CACNA1A: variants seen among roughly 807,000 people sequenced by gnomAD.
The protein encoded by CACNA1A is calcium voltage-gated channel subunit alpha1 A.
CACNA1A carries 57 observed loss-of-function variants against 262.4 expected under a neutral mutation model. That is an observed-to-expected ratio of 0.22 (90% CI 0.18 to 0.27). The LOEUF (loss-of-function observed/expected upper bound fraction) is 0.27, where lower values mean the gene tolerates loss of function less well. Ranked by LOEUF, CACNA1A falls within the 10% of genes least tolerant of loss-of-function variation. CACNA1A has a pLI of 1.00. For missense variants in CACNA1A, 2,526 were observed against 3,562.8 expected, an observed-to-expected ratio of 0.71 and a Z score of 7.41; for synonymous variants, 1,431 against 1,419.3, an observed-to-expected ratio of 1.01 and a Z score of -0.18.
chr19:13,443,338 A>ATTTTAT (rs137989401), intron 3 of CACNA1A, among the ~76,000 whole-genome samples: 1 of 151,622 alleles, frequency 6.6e-6, no homozygotes, highest in Non-Finnish European at 1.5e-5. Context: ...AGTTGAAATA[A>ATTTTAT]TTTTATTTTT....
At chr19:13,468,116 T>C (rs1006626710) in intron 1 of CACNA1A, among the ~76,000 whole-genome samples, 3 of 150,960 alleles carry the variant, frequency 2.0e-5, no homozygotes, top group Admixed American at 2.0e-4. Context: ...AAAATAAAGA[T>C]CCCTTGATGA....
chr19:13,259,490 G>C lies in CACNA1A; in HGVS notation c.4388+74C>G, dbSNP rs1484139690. On this transcript the variant is annotated intron_variant, in intron 27 of 46. Coordinates refer to ENST00000360228, the MANE Select transcript of CACNA1A (RefSeq NM_001127222.2). Reference sequence around the variant, plus strand: ...CCCGGCCTCCAAGACCTTTCTTATTGCTAAGCTCTCAGGCCCTTTATCCTC... The same window carrying C: ...CCCGGCCTCCAAGACCTTTCTTATTCCTAAGCTCTCAGGCCCTTTATCCTC... The C allele has an allele frequency of 2.1e-6, 3 of 1,451,776 alleles. No individual in the cohort carries two copies. In the African/African-American group the frequency reaches 4.3e-5, roughly 21 times the overall value. The allele number at this position is 1,451,776 out of a possible 1,614,324, so 89.9% of individuals were successfully genotyped here.
At chr19:13,341,706 G>A (rs1412828013) in intron 6 of CACNA1A, among the ~76,000 whole-genome samples, 1 of 152,174 alleles carries the variant, frequency 6.6e-6, no homozygotes, top group South Asian at 2.1e-4. Flanking sequence ...TTCTGAGGGA[G>A]GCCTCCCCTG....
chr19:13,455,004 G>A (rs1568661799), intron 2 of CACNA1A, 103 bp downstream of exon 2: 10 of 638,892 alleles, frequency 1.6e-5, no homozygotes, highest in Non-Finnish European at 2.8e-5. Flanking sequence ...ATCTGGCTCT[G>A]GGCTCCAGGA....
intron 28 of CACNA1A, chr19:13,256,901 C>G (rs1252626447): frequency 6.4e-6 from 1 of 155,706 alleles, no homozygotes; most frequent in Admixed American, 6.3e-5. Context: ...GAAATGTGAG[C>G]AGAAGTGACA....
At chr19:13,245,354 T>C (rs1186308422) in intron 30 of CACNA1A, 89 bp from the exon 31 acceptor site, 11 of 987,114 alleles carry the variant, frequency 1.1e-5, no homozygotes, top group African/African-American at 4.8e-5. Context: ...AGAGGCACAG[T>C]TGCCCATCAG....
At chr19:13,211,955 C>T in intron 43 of CACNA1A, 148 bp downstream of exon 43, 1 of 607,996 alleles carries the variant, frequency 1.6e-6, no homozygotes, top group Non-Finnish European at 2.9e-6. Flanking sequence ...GTGGGTGGGG[C>T]CTGCAGACTG....
At chr19:13,281,929 T>C (rs1012001211) in intron 22 of CACNA1A, among the ~76,000 whole-genome samples, 1 of 152,216 alleles carries the variant, frequency 6.6e-6, no homozygotes. Context: ...CATCCATGCC[T>C]GTGCCCTCCC....
At chr19:13,497,045 C>T (rs1981617911) in intron 1 of CACNA1A, among the ~76,000 whole-genome samples, 1 of 152,088 alleles carries the variant, frequency 6.6e-6, no homozygotes, top group South Asian at 2.1e-4. Context: ...CCACCTAGCT[C>T]CAGAATCCAT....
At chr19:13,403,665 G>C (rs2144705539) in intron 3 of CACNA1A, among the ~76,000 whole-genome samples, 1 of 152,286 alleles carries the variant, frequency 6.6e-6, no homozygotes, top group Admixed American at 6.5e-5. Flanking sequence ...CCTGGGTGCA[G>C]TGGCTCATGC....
At chr19:13,259,402 C>A in intron 27 of CACNA1A, 162 bp downstream of exon 27, 1 of 300,210 alleles carries the variant, frequency 3.3e-6, no homozygotes, top group Non-Finnish European at 6.1e-6. Context: ...AAACTCCTGG[C>A]CTCAAGTGAT....
chr19:13,370,442 T>G, intron 4 of CACNA1A, among the ~76,000 whole-genome samples: 1 of 151,798 alleles, frequency 6.6e-6, no homozygotes. Flanking sequence ...GTTGTCTGTT[T>G]TTTTGAGACA....
intron 1 of CACNA1A, among the ~76,000 whole-genome samples, chr19:13,485,092 T>G (rs1979812899): frequency 6.6e-6 from 1 of 152,016 alleles, no homozygotes; most frequent in South Asian, 2.1e-4. Context: ...ACAGACCAGA[T>G]GAAAGAAGGT....
intron 3 of CACNA1A, among the ~76,000 whole-genome samples, chr19:13,414,922 C>T (rs2060195224): frequency 6.6e-6 from 1 of 152,000 alleles, no homozygotes; most frequent in South Asian, 2.1e-4. Context: ...GAGATCACAC[C>T]TCTGCACTCG....
Position 13,222,647 on chromosome 19 carries a change from G to A in CACNA1A, c.5731+2020C>T, listed in dbSNP as rs144921839. On this transcript the variant is annotated intron_variant, in intron 38 of 46. Transcript: ENST00000360228. ...CTTGACCTCATGATCTGCCCGCCTC[G>A]GCCTCCCAAAGTGCTGCTATTACAG... Among the ~76,000 whole-genome samples, 9 of 151,080 alleles carry A rather than the reference G, an allele frequency of 6.0e-5. No individual in the cohort carries two copies. In the East Asian group the frequency reaches 9.8e-4, roughly 16 times the overall value.
intron 3 of CACNA1A, among the ~76,000 whole-genome samples, chr19:13,434,518 G>A (rs766112982): frequency 7.2e-5 from 11 of 152,144 alleles, no homozygotes; most frequent in Admixed American, 2.6e-4. Context: ...GCAGATTTCC[G>A]CCTTGGTGCT....
intron 24 of CACNA1A, chr19:13,272,369 C>T (rs2057041949): frequency 6.6e-6 from 1 of 152,398 alleles, no homozygotes; most frequent in South Asian, 2.1e-4. Flanking sequence ...GCTGAGCAGA[C>T]CTTGCCCCAG....
At chr19:13,444,293 G>A (rs541269345) in intron 3 of CACNA1A, among the ~76,000 whole-genome samples, 1 of 152,140 alleles carries the variant, frequency 6.6e-6, no homozygotes, top group African/African-American at 2.4e-5. Context: ...AAATGCTGCT[G>A]GTATTTATAG....
Position 13,298,643 on chromosome 19 carries a change from T to G in CACNA1A, c.2990A>C (p.Asp997Ala). The change falls in exon 19 of 47, where the codon GAC becomes GCC. Residue 997 changes from aspartate to alanine, a missense_variant. Physicochemically the swap from Asp to Ala is moderately radical, Grantham distance 126 (BLOSUM62 -2). Around this residue, in one of 17 missense-constraint regions of CACNA1A, gnomAD observed 765 missense variants for 748.6 expected, o/e 1.02. Coordinates refer to ENST00000360228, the MANE Select transcript of CACNA1A (RefSeq NM_001127222.2). ...RGGEGEGEGPDGGERRRRHRH... is the reference protein window; with the variant it reads ...RGGEGEGEGPAGGERRRRHRH... ...GTGCCTTCTCCTGCGCTCGCCCCCGTCGGGGCCCTCGCCCTCGCCCTCGCC... is the reference window on the plus strand; with the variant it reads ...GTGCCTTCTCCTGCGCTCGCCCCCGGCGGGGCCCTCGCCCTCGCCCTCGCC... 17 of 1,519,828 alleles carry G rather than the reference T, an allele frequency of 1.1e-5. No individual in the cohort carries two copies. Among genetic ancestry groups the G allele is most frequent in the Non-Finnish European group, 1.5e-5 (17 of 1,133,694 alleles). The allele number at this position is 1,519,828 out of a possible 1,614,324, so 94.1% of individuals were successfully genotyped here.
Sources: allele counts gnomAD v4.1 joint callset (sites outside exome capture counted in the v4.1 genomes callset), GRCh38; gene constraint gnomAD v4.1.1; regional missense constraint gnomAD v4.1.1; transcripts MANE v1.5; gene names NCBI Gene and HGNC (gene_info 2026-07-23, HGNC 2026-07-21).